CNTN5: variants seen among roughly 807,000 people sequenced by gnomAD.
CNTN5 encodes the protein contactin 5.
CNTN5 carries 77 observed loss-of-function variants against 129.1 expected under a neutral mutation model. The ratio of observed to expected loss-of-function variants is 0.60; its 90% CI spans 0.50 to 0.72. The LOEUF is 0.72. Ranked by LOEUF, CNTN5 falls within the 30% of genes least tolerant of loss-of-function variation. CNTN5 has a pLI of 0.00. For missense variants in CNTN5, 1,478 were observed against 1,328.8 expected (o/e 1.11, Z -1.75); for synonymous variants, 509 against 465.6 (o/e 1.09, Z -1.20).
chr11:99,235,377 G>A (rs1347496655), intron 1 of CNTN5, among the ~76,000 whole-genome samples: 1 of 152,014 alleles, frequency 6.6e-6, no homozygotes, highest in Non-Finnish European at 1.5e-5. Flanking sequence ...CTATTCATGA[G>A]CTTCAAATTT....
chr11:100,013,417 G>C (rs1940640164), intron 9 of CNTN5, among the ~76,000 whole-genome samples: 1 of 152,014 alleles, frequency 6.6e-6, no homozygotes, highest in African/African-American at 2.4e-5. Context: ...GAATCACCAG[G>C]TACATAATCT....
intron 1 of CNTN5, among the ~76,000 whole-genome samples, chr11:99,160,988 A>ACCAG (rs1860583368): frequency 1.3e-5 from 2 of 152,198 alleles, no homozygotes; most frequent in Non-Finnish European, 2.9e-5. Context: ...GTACAAATCT[A>ACCAG]TATATTGCAA....
chr11:100,230,219 A>G (rs1949460714), intron 16 of CNTN5, among the ~76,000 whole-genome samples: 1 of 152,162 alleles, frequency 6.6e-6, no homozygotes, highest in Non-Finnish European at 1.5e-5. Flanking sequence ...AAGAAAAGCT[A>G]ATTTCATTCA....
At chr11:99,080,404 C>A (rs1392323785) in intron 1 of CNTN5, among the ~76,000 whole-genome samples, 1 of 152,136 alleles carries the variant, frequency 6.6e-6, no homozygotes, top group East Asian at 1.9e-4. Context: ...TTAGCTATGG[C>A]ATCAAGTTCC....
intron 13 of CNTN5, among the ~76,000 whole-genome samples, chr11:100,189,680 A>G (rs985914814): frequency 4.6e-5 from 7 of 152,160 alleles, no homozygotes; most frequent in African/African-American, 1.7e-4. Context: ...AATGGAATAA[A>G]TAACATTTCA....
intron 2 of CNTN5, among the ~76,000 whole-genome samples, chr11:99,449,711 G>C (rs1313129708): frequency 6.6e-6 from 1 of 152,142 alleles, no homozygotes; most frequent in African/African-American, 2.4e-5. Flanking sequence ...GTATGTGTGG[G>C]TCTCTCTTTA....
chr11:100,124,953 T>A (rs1946136196), intron 13 of CNTN5, among the ~76,000 whole-genome samples: 1 of 152,104 alleles, frequency 6.6e-6, no homozygotes, highest in East Asian at 1.9e-4. Context: ...CTTGTTGAAA[T>A]ACAGACGTCT....
chr11:99,973,015 T>A (rs1937682143), intron 8 of CNTN5, among the ~76,000 whole-genome samples: 1 of 152,096 alleles, frequency 6.6e-6, no homozygotes, highest in African/African-American at 2.4e-5. Context: ...TCTTTATATT[T>A]TGAAATCTCA....
chr11:99,950,897 T>C (rs866408589), intron 7 of CNTN5, among the ~76,000 whole-genome samples: 9 of 152,144 alleles, frequency 5.9e-5, no homozygotes, highest in African/African-American at 2.2e-4. Context: ...GAAGAGAAGT[T>C]TTAATTTTCC....
chr11:99,975,653 G>C (rs1001122716), intron 8 of CNTN5, among the ~76,000 whole-genome samples: 2 of 152,112 alleles, frequency 1.3e-5, no homozygotes, highest in African/African-American at 4.8e-5. Context: ...GAGATCGCGA[G>C]TTGGGAAAAG....
At chr11:99,921,367 G>A (rs751336633) in intron 7 of CNTN5, among the ~76,000 whole-genome samples, 2 of 152,046 alleles carry the variant, frequency 1.3e-5, no homozygotes, top group Non-Finnish European at 2.9e-5. Flanking sequence ...CTACCTTAAG[G>A]CCTTTGCAGT....
At chr11:99,944,660 C>G (rs1474322272) in intron 7 of CNTN5, among the ~76,000 whole-genome samples, 3 of 152,082 alleles carry the variant, frequency 2.0e-5, no homozygotes, top group Non-Finnish European at 2.9e-5. Context: ...ACAACTTCAG[C>G]TAAGTCTCAG....
At chr11:99,421,594 G>A (rs1441133528) in intron 2 of CNTN5, among the ~76,000 whole-genome samples, 4 of 152,104 alleles carry the variant, frequency 2.6e-5, no homozygotes, top group Non-Finnish European at 5.9e-5. Flanking sequence ...TGACAATCTT[G>A]ATGTTTGAAA....
intron 9 of CNTN5, 108 bp from the exon 10 acceptor site, chr11:100,061,104 T>C (rs1177789321): frequency 2.4e-6 from 2 of 842,770 alleles, no homozygotes; most frequent in Admixed American, 2.4e-5. Context: ...TTAATTGTGA[T>C]TACATTTTAT....
At chr11:99,862,614 T>G (rs1325846370) in intron 6 of CNTN5, among the ~76,000 whole-genome samples, 2 of 151,968 alleles carry the variant, frequency 1.3e-5, no homozygotes, top group Non-Finnish European at 2.9e-5. Flanking sequence ...TATTTTTTAT[T>G]TAGTTTATAA....
chr11:99,034,221 T>G (rs1863571089), intron 1 of CNTN5, among the ~76,000 whole-genome samples: 1 of 152,248 alleles, frequency 6.6e-6, no homozygotes, highest in East Asian at 1.9e-4. Context: ...GATATTGGTC[T>G]AAAACTCTCT....
intron 1 of CNTN5, among the ~76,000 whole-genome samples, chr11:99,196,595 T>C (rs1342405472): frequency 6.6e-6 from 1 of 152,000 alleles, no homozygotes; most frequent in Non-Finnish European, 1.5e-5. Flanking sequence ...ATTGAAGTAA[T>C]TGAAGTATAA....
chr11:100,106,463 A>G (rs1945435121), intron 13 of CNTN5, among the ~76,000 whole-genome samples: 1 of 151,830 alleles, frequency 6.6e-6, no homozygotes, highest in Non-Finnish European at 1.5e-5. Context: ...GTAATGGAAG[A>G]AAAGGGAGCA....
intron 3 of CNTN5, among the ~76,000 whole-genome samples, chr11:99,728,479 T>C (rs1943425263): frequency 6.6e-6 from 1 of 152,220 alleles, no homozygotes; most frequent in African/African-American, 2.4e-5. Flanking sequence ...TATTTAAATA[T>C]ACTCAATGTT....
Sources: allele counts gnomAD v4.1 joint callset (sites outside exome capture counted in the v4.1 genomes callset), GRCh38; gene constraint gnomAD v4.1.1; transcripts MANE v1.5; gene names NCBI Gene and HGNC (gene_info 2026-07-23, HGNC 2026-07-21).